IGSF10: variants seen among roughly 807,000 people sequenced by gnomAD.
The protein encoded by IGSF10 is calvaria mechanical force protein 608.
In IGSF10, 126 loss-of-function variants were observed where a neutral mutation model predicts 128.2. The ratio of observed to expected loss-of-function variants is 0.98; its 90% CI spans 0.85 to 1.14. IGSF10 has a LOEUF of 1.14. Ranked by LOEUF, IGSF10 falls within the 50% of genes most tolerant of loss-of-function variation. The pLI, the probability that IGSF10 is intolerant of heterozygous loss-of-function variation, is 0.00. For synonymous variants in IGSF10, 1,185 were observed against 1,146.2 expected (o/e 1.03, Z -0.68); for missense variants, 3,295 against 3,149.8 (o/e 1.05, Z -1.10).
At position 151,445,003 on chromosome 3, in the gene IGSF10, T is replaced by G; in HGVS notation, c.4978A>C (p.Ile1660Leu). Residue 1660 changes from isoleucine to leucine, a missense_variant, in exon 6 of 8, where the codon ATT (isoleucine) becomes CTT (leucine). Coordinates refer to ENST00000282466, the MANE Select transcript of IGSF10 (RefSeq NM_178822.5). ...IVGGKAASFT[I>L]PANSDAFLPC... is the part of the protein sequence containing the mutation. ...AGAAAGGCATCTGAGTTAGCTGGAA[T>G]AGTAAAACTTGCAGCTTTTCCTCCA... 1 of 1,614,084 alleles carries G rather than the reference T, an allele frequency of 6.2e-7. No individual in the cohort carries two copies. The highest frequency in any genetic ancestry group is 8.5e-7 in the Non-Finnish European group (1 of 1,179,916).
the IGSF10 span, among the ~76,000 whole-genome samples, chr3:151,589,790 G>A: frequency 2.6e-5 from 4 of 152,092 alleles, no homozygotes; most frequent in Admixed American, 6.5e-5. Context: ...TCTTACTGAA[G>A]TAAATGGCTA....
rs757947822 is a variant in IGSF10, at chr3:151,446,694, C to G, written c.3287G>C (p.Arg1096Thr). The change falls in exon 6 of 8, where the codon AGA (arginine) becomes ACA (threonine). Residue 1096 changes from arginine (R) to threonine (T), a missense_variant. Transcript: ENST00000282466. Reference protein sequence around the residue: ...PITFPKADIARVPSEESTTLV... With the variant: ...PITFPKADIATVPSEESTTLV... ...AGTTGTAGACTCTTCTGATGGGACT[C>G]TAGCAATGTCAGCTTTGGGGAAGGT... 2.5e-6 allele frequency: 4 copies of G among 1,614,124 alleles called. No homozygotes were observed. The highest frequency in any genetic ancestry group is 1.7e-5 in the Admixed American group (1 of 60,020).
In IGSF10 at chr3:151,446,847, C is replaced by T; in HGVS notation, c.3134G>A (p.Gly1045Asp). Residue 1045 changes from glycine (G) to aspartate (D), a missense_variant, in exon 6 of 8, where the codon GGT becomes GAT. Coordinates refer to ENST00000282466, the MANE Select transcript of IGSF10 (RefSeq NM_178822.5). ...RYSIFRSTTRGSSEKSTTAFS... is the reference protein window; with the variant it reads ...RYSIFRSTTRDSSEKSTTAFS... The stretch of plus-strand genomic sequence containing the variant: ...TGCAGTAGTGCTTTTTTCAGAAGAA[C>T]CTCTGGTTGTTGACCTGAAAATGCT... 6.2e-7 allele frequency: 1 copy of T among 1,614,154 alleles called. No individual in the cohort carries two copies. Among genetic ancestry groups the T allele is most frequent in the Non-Finnish European group, 8.5e-7 (1 of 1,180,020 alleles).
In IGSF10 at chr3:151,443,226, T is replaced by TA. The variant is rs755627521; in HGVS notation, c.5720dup (p.Ala1908SerfsTer9). On this transcript the variant is annotated frameshift_variant, in exon 7 of 8. Transcript: ENST00000282466. LOFTEE classifies it high-confidence loss of function. ...CATAAGTGCCCCTGTCTGAAGAGGC[T>TA]AGGTTTCTTATATACAAAGTCCCAT... is the stretch of plus-strand genomic sequence containing the variant. 4 of 1,613,192 alleles carry TA rather than the reference T, an allele frequency of 2.5e-6. No individual in the cohort carries two copies. In the African/African-American group the frequency reaches 5.3e-5, roughly 22 times the overall value.
chr3:151,512,967 A>G, the IGSF10 span, among the ~76,000 whole-genome samples: 1 of 152,210 alleles, frequency 6.6e-6, no homozygotes, highest in African/African-American at 2.4e-5. Flanking sequence ...TTGAGGCAAT[A>G]ATTAATAGCT....
rs781649373 is a variant in IGSF10, at chr3:151,436,910, C to T, written c.7651G>A (p.Val2551Met). 1 of 1,614,156 alleles carries T rather than the reference C, an allele frequency of 6.2e-7. No individual in the cohort carries two copies. Among genetic ancestry groups the T allele is most frequent in the Non-Finnish European group, 8.5e-7 (1 of 1,180,012 alleles). Residue 2551 changes from valine to methionine, a missense_variant, in exon 8 of 8, where the codon GTG becomes ATG. Val to Met is a conservative substitution (Grantham distance 21). Transcript: ENST00000282466. ...RTGAAFQLHC[V>M]ALGVPKPEIT... Reference sequence around the variant, plus strand: ...TCTGGCTTGGGAACTCCCAAGGCCACACAGTGGAGCTGAAAGGCTGCCCCT... The same window carrying T: ...TCTGGCTTGGGAACTCCCAAGGCCATACAGTGGAGCTGAAAGGCTGCCCCT...
chr3:151,597,655 G>A, the IGSF10 span, among the ~76,000 whole-genome samples: 138 of 152,316 alleles, frequency 9.1e-4, no homozygotes, highest in Admixed American at 1.5e-3. Flanking sequence ...GGTGGCCCAC[G>A]CCTGTAATCC....
chr3:151,460,731 GTGTT>G (rs1403392810), intron 1 of IGSF10, among the ~76,000 whole-genome samples: 1 of 150,300 alleles, frequency 6.7e-6, no homozygotes, highest in Admixed American at 6.6e-5. Context: ...TCCTCAGTGT[GTGTT>G]TTTTTTTTTT....
the IGSF10 span, among the ~76,000 whole-genome samples, chr3:151,577,734 A>C: frequency 1.3e-5 from 2 of 152,038 alleles, no homozygotes; most frequent in African/African-American, 4.8e-5. Flanking sequence ...AGAACTATAG[A>C]TATAGTAACT....
chr3:151,566,635 C>T, the IGSF10 span, among the ~76,000 whole-genome samples: 10 of 152,202 alleles, frequency 6.6e-5, no homozygotes, highest in African/African-American at 2.4e-4. Flanking sequence ...ATTGTTTGTG[C>T]TTTCAGTTCA....
chr3:151,453,980 A>G (rs1721650773), intron 4 of IGSF10, among the ~76,000 whole-genome samples: 1 of 151,492 alleles, frequency 6.6e-6, no homozygotes, highest in Admixed American at 6.6e-5. Flanking sequence ...GCCTATTTAT[A>G]TTAAGGAATG....
At chr3:151,543,693 C>T in the IGSF10 span, among the ~76,000 whole-genome samples, 1 of 152,134 alleles carries the variant, frequency 6.6e-6, no homozygotes, top group Non-Finnish European at 1.5e-5. Flanking sequence ...TGGCTCAGAG[C>T]CAAGTATGAA....
the IGSF10 span, among the ~76,000 whole-genome samples, chr3:151,596,760 C>T: frequency 6.6e-6 from 1 of 152,114 alleles, no homozygotes; most frequent in Admixed American, 6.6e-5. Context: ...GAGAAATGGG[C>T]ACTAAGATGA....
At chr3:151,497,041 ATTTG>A in the IGSF10 span, among the ~76,000 whole-genome samples, 10 of 151,968 alleles carry the variant, frequency 6.6e-5, no homozygotes, top group East Asian at 1.9e-4. Flanking sequence ...TTTCTTGTAA[ATTTG>A]TTTGAGTTCA....
At chr3:151,524,208 G>C in the IGSF10 span, among the ~76,000 whole-genome samples, 1 of 152,242 alleles carries the variant, frequency 6.6e-6, no homozygotes, top group Non-Finnish European at 1.5e-5. Flanking sequence ...AGTCATTGTG[G>C]AAAGAAGCAT....
the IGSF10 span, among the ~76,000 whole-genome samples, chr3:151,494,678 T>C: frequency 2.6e-5 from 4 of 152,112 alleles, no homozygotes; most frequent in Admixed American, 2.0e-4. Flanking sequence ...ATATTGAAAA[T>C]ACTGAGAAGT....
At chr3:151,557,728 G>A in the IGSF10 span, among the ~76,000 whole-genome samples, 3 of 151,704 alleles carry the variant, frequency 2.0e-5, no homozygotes, top group Non-Finnish European at 2.9e-5. Flanking sequence ...TACAAGAAGA[G>A]TGAGTGGACT....
the IGSF10 span, among the ~76,000 whole-genome samples, chr3:151,507,530 T>C: frequency 1.3e-5 from 2 of 152,304 alleles, no homozygotes; most frequent in East Asian, 3.9e-4. Context: ...GAGATTTAAT[T>C]GACTTAGAGT....
the IGSF10 span, among the ~76,000 whole-genome samples, chr3:151,480,886 CA>C: frequency 6.6e-6 from 1 of 152,126 alleles, no homozygotes; most frequent in Non-Finnish European, 1.5e-5. Flanking sequence ...CCCATTCCCC[CA>C]GCAACCTGCA....
Sources: allele counts gnomAD v4.1 joint callset (sites outside exome capture counted in the v4.1 genomes callset), GRCh38; gene constraint gnomAD v4.1.1; transcripts MANE v1.5; gene names NCBI Gene and HGNC (gene_info 2026-07-23, HGNC 2026-07-21).